The following PPP2R5C variants were observed in gnomAD, a reference collection of about 807,000 sequenced individuals.
The protein encoded by PPP2R5C is serine/threonine-protein phosphatase 2A 56 kDa regulatory subunit gamma isoform.
PPP2R5C carries 7 observed loss-of-function variants against 68.9 expected under a neutral mutation model. The ratio of observed to expected loss-of-function variants is 0.10; its 90% CI spans 0.06 to 0.19. The LOEUF is 0.19. Among genes scored for constraint, PPP2R5C ranks in the 10% least tolerant of loss-of-function variants. The pLI, the probability that PPP2R5C is intolerant of heterozygous loss-of-function variation, is 1.00. For missense variants in PPP2R5C, 348 were observed against 641.3 expected (o/e 0.54, Z 4.94); for synonymous variants, 210 against 222.2 (o/e 0.95, Z 0.49).
At chr14:101,895,386 A>G (rs2045251825) in intron 8 of PPP2R5C, among the ~76,000 whole-genome samples, 1 of 152,182 alleles carries the variant, frequency 6.6e-6, no homozygotes, top group African/African-American at 2.4e-5. Context: ...CGTTAATGAC[A>G]TTCATAGTGT....
At chr14:101,885,925 T>C (rs937268568) in intron 5 of PPP2R5C, among the ~76,000 whole-genome samples, 7 of 152,254 alleles carry the variant, frequency 4.6e-5, no homozygotes, top group African/African-American at 1.4e-4. Context: ...TTCTGTTTTC[T>C]TAATTCTAGT....
chr14:101,898,626 G>T (rs978011112), intron 8 of PPP2R5C, among the ~76,000 whole-genome samples: 1 of 152,128 alleles, frequency 6.6e-6, no homozygotes. Context: ...TTACATGCAG[G>T]ACTCTGACTT....
At chr14:101,766,971 T>A (rs1566819959) in intron 2 of PPP2R5C, 2 of 152,242 alleles carry the variant, frequency 1.3e-5, no homozygotes, top group Non-Finnish European at 2.9e-5. Context: ...ATGTTACATT[T>A]TTAGAAGTGT....
intron 1 of PPP2R5C, among the ~76,000 whole-genome samples, chr14:101,823,319 T>A (rs937455891): frequency 1.3e-5 from 2 of 152,152 alleles, no homozygotes; most frequent in Admixed American, 6.5e-5. Flanking sequence ...AGCAGTGAAA[T>A]TAAAGCATCA....
At chr14:101,871,298 G>A (rs3101807) in intron 2 of PPP2R5C, among the ~76,000 whole-genome samples, 43,689 of 151,806 alleles carry the variant, frequency 0.29, 7,431 homozygotes, top group African/African-American at 0.47. Context: ...CTGGAGTGCA[G>A]TGGCACAATC....
At chr14:101,897,134 G>T (rs988494471) in intron 8 of PPP2R5C, among the ~76,000 whole-genome samples, 2 of 152,080 alleles carry the variant, frequency 1.3e-5, no homozygotes, top group African/African-American at 4.8e-5. Flanking sequence ...AGATACCTCC[G>T]CCTGAGATTT....
At chr14:101,854,271 A>G (rs959360446) in intron 1 of PPP2R5C, among the ~76,000 whole-genome samples, 3 of 152,144 alleles carry the variant, frequency 2.0e-5, no homozygotes, top group African/African-American at 7.2e-5. Context: ...GCAGCGTAGG[A>G]AACAGGGAAA....
intron 2 of PPP2R5C, among the ~76,000 whole-genome samples, chr14:101,865,193 CG>C (rs1242687455): frequency 1.3e-5 from 2 of 152,136 alleles, no homozygotes; most frequent in African/African-American, 4.8e-5. Flanking sequence ...TTTGGGTTAA[CG>C]GGGGCAGGCA....
intron 4 of PPP2R5C, 27 bp downstream of exon 6, chr14:101,883,376 GA>G (rs1428611015): frequency 3.1e-6 from 5 of 1,609,204 alleles, no homozygotes; most frequent in Non-Finnish European, 4.2e-6. Flanking sequence ...CTGACACTCT[GA>G]AAGCCCTGAT....
intron 13 of PPP2R5C, among the ~76,000 whole-genome samples, chr14:101,919,893 T>C (rs1261433609): frequency 7.4e-6 from 1 of 135,086 alleles, no homozygotes; most frequent in Non-Finnish European, 1.5e-5. Flanking sequence ...CGCTTGAACC[T>C]GGGAGGTGGA....
intron 2 of PPP2R5C, among the ~76,000 whole-genome samples, chr14:101,858,704 T>G (rs548008689): frequency 2.6e-5 from 4 of 152,186 alleles, no homozygotes; most frequent in Non-Finnish European, 5.9e-5. Context: ...GTATATAAAT[T>G]CTATATTAAG....
At chr14:101,921,018 A>G (rs1017473431) in intron 13 of PPP2R5C, 2 of 151,078 alleles carry the variant, frequency 1.3e-5, no homozygotes, top group Non-Finnish European at 2.8e-5. Flanking sequence ...TATGAAGTGC[A>G]GTCTCTAGGT....
chr14:101,836,248 G>A (rs2041090297), intron 1 of PPP2R5C: 5 of 702,712 alleles, frequency 7.1e-6, no homozygotes, highest in Non-Finnish European at 1.0e-5. Context: ...CGCCTACGGA[G>A]CAGCAGGGAG....
intron 2 of PPP2R5C, among the ~76,000 whole-genome samples, chr14:101,857,563 C>T (rs1241401652): frequency 6.6e-6 from 1 of 152,236 alleles, no homozygotes; most frequent in Non-Finnish European, 1.5e-5. Flanking sequence ...AGTTAGTTCA[C>T]TGTTGGTTTT....
rs573919931 is a variant in PPP2R5C at position 101,906,366 on chromosome 14, AC to A, written c.1024-35del. ...AGGACAGCCACCTGATGTCTCAGGC[AC>A]AACCTCCAGCAAGCCATCCACTTGT... On this transcript the variant is annotated intron_variant, in intron 9 of 13. Transcript: ENST00000334743. The surrounding 1 kb of genome is among the most constrained non-coding windows in gnomAD (Gnocchi z 4.0). 1.1e-4 allele frequency: 164 copies of A among 1,555,510 alleles called. 1 individual carries two copies. The South Asian group carries it at 1.9e-3, about 18-fold the overall frequency.
rs112769647 is a variant in PPP2R5C, at chr14:101,867,138, A to G, written c.294+10253A>G. Among the ~76,000 whole-genome samples, 803 of 151,564 alleles carry G rather than the reference A, an allele frequency of 5.3e-3. 6 individuals carry two copies. Among genetic ancestry groups the G allele is most frequent in the African/African-American group, 0.019 (781 of 41,298 alleles). ...AGGCTGAGGCAAGAGAATTGCTTGA[A>G]CCCAGGAGGCAGAGGTTGCAGTAAG... is the stretch of plus-strand genomic sequence containing the variant. On this transcript the variant is annotated intron_variant, in intron 2 of 13. Transcript: ENST00000334743.
rs750498210 is a variant in PPP2R5C at position 101,882,527 on chromosome 14, C to G, written c.405+256C>G. The G allele has an allele frequency of 3.1e-6, 1 of 322,760 alleles. No individual in the cohort carries two copies. The highest frequency in any genetic ancestry group is 5.6e-6 in the Non-Finnish European group (1 of 177,584). 20.0% of individuals were successfully genotyped at this position (322,760 alleles called of 1,614,324 possible). On this transcript the variant is annotated intron_variant, in intron 3 of 13. Coordinates refer to ENST00000334743, the Ensembl canonical transcript of PPP2R5C. The surrounding 1 kb of genome is among the most constrained non-coding windows in gnomAD (Gnocchi z 4.9). ...TGAAGATGGCCGCTGTGTTGATGGC[C>G]GTTGAATTGAATTCAGGCCCAGAGG...
intron 1 of PPP2R5C, among the ~76,000 whole-genome samples, chr14:101,849,945 G>A (rs1790014323): frequency 6.6e-6 from 1 of 152,300 alleles, no homozygotes; most frequent in South Asian, 2.1e-4. Context: ...GTTCTTCTCA[G>A]GGGTGTCTTG....
intron 13 of PPP2R5C, among the ~76,000 whole-genome samples, chr14:101,920,263 C>T (rs1228285902): frequency 6.6e-6 from 1 of 152,204 alleles, no homozygotes; most frequent in African/African-American, 2.4e-5. Flanking sequence ...GGCCCCAGAA[C>T]GTCCAACTGC....
Sources: allele counts gnomAD v4.1 joint callset (sites outside exome capture counted in the v4.1 genomes callset), GRCh38; gene constraint gnomAD v4.1.1; non-coding constraint Gnocchi (gnomAD v3.1); transcripts MANE v1.5; gene names NCBI Gene and HGNC (gene_info 2026-07-23, HGNC 2026-07-21).